The following ATG10 variants were observed in gnomAD, a reference collection of about 807,000 sequenced individuals.
ATG10 encodes the protein ubiquitin-like-conjugating enzyme ATG10.
ATG10 carries 30 observed loss-of-function variants against 32.1 expected under a neutral mutation model. That is an observed-to-expected ratio of 0.94 (90% CI 0.70 to 1.27). ATG10 has a LOEUF of 1.27. Among genes scored for constraint, ATG10 ranks in the 50% most tolerant of loss-of-function variants. The pLI is 0.00. For synonymous variants in ATG10, 87 were observed against 91.5 expected, an observed-to-expected ratio of 0.95 and a Z score of 0.28; for missense variants, 233 against 262.3, an observed-to-expected ratio of 0.89 and a Z score of 0.77.
At chr5:82,082,995 G>A (rs1175483845) in intron 3 of ATG10, among the ~76,000 whole-genome samples, 1 of 152,238 alleles carries the variant, frequency 6.6e-6, no homozygotes, top group Admixed American at 6.5e-5. Context: ...ACTGGGGCTT[G>A]TCAGACAGTG....
At chr5:82,222,620 T>C (rs1745974252) in intron 5 of ATG10, among the ~76,000 whole-genome samples, 1 of 152,238 alleles carries the variant, frequency 6.6e-6, no homozygotes, top group South Asian at 2.1e-4. Context: ...AGAGAAAGAT[T>C]CATATATGTA....
At chr5:82,180,243 AT>A (rs1185324980) in intron 5 of ATG10, among the ~76,000 whole-genome samples, 1 of 152,112 alleles carries the variant, frequency 6.6e-6, no homozygotes, top group Non-Finnish European at 1.5e-5. Context: ...CTTGCCAAAT[AT>A]GGTTATTCAT....
chr5:82,142,659 G>A (rs1029317862), intron 3 of ATG10, among the ~76,000 whole-genome samples: 2 of 152,094 alleles, frequency 1.3e-5, no homozygotes, highest in East Asian at 3.9e-4. Flanking sequence ...ATACTGTGGC[G>A]GCAGTGTGGA....
At chr5:82,027,104 A>G (rs956667532) in intron 2 of ATG10, among the ~76,000 whole-genome samples, 1 of 151,448 alleles carries the variant, frequency 6.6e-6, no homozygotes, top group Non-Finnish European at 1.5e-5. Flanking sequence ...ATAAATAAAT[A>G]AATAAATTTA....
intron 2 of ATG10, among the ~76,000 whole-genome samples, chr5:81,993,359 C>CTTTT (rs756251958): frequency 1.8e-5 from 1 of 55,478 alleles, no homozygotes; most frequent in East Asian, 6.4e-4. Context: ...TTCTTTCTTT[C>CTTTT]CTTCTTTTCT....
At chr5:82,107,955 GTATACTTA>G (rs1765491887) in intron 3 of ATG10, among the ~76,000 whole-genome samples, 1 of 151,990 alleles carries the variant, frequency 6.6e-6, no homozygotes, top group Non-Finnish European at 1.5e-5. Context: ...TGAATGCAGG[GTATACTTA>G]GAGCAAGACA....
intron 3 of ATG10, among the ~76,000 whole-genome samples, chr5:82,088,681 G>A (rs745311516): frequency 2.6e-5 from 4 of 152,120 alleles, no homozygotes; most frequent in South Asian, 2.1e-4. Context: ...GAAAGTAATC[G>A]TAATTATAAT....
intron 5 of ATG10, among the ~76,000 whole-genome samples, chr5:82,214,501 A>G (rs1285168832): frequency 1.3e-5 from 2 of 152,232 alleles, no homozygotes; most frequent in Non-Finnish European, 2.9e-5. Context: ...TATAATTACT[A>G]TTATGATTAG....
chr5:82,213,877 T>C (rs1256648253), intron 5 of ATG10, among the ~76,000 whole-genome samples: 1 of 152,228 alleles, frequency 6.6e-6, no homozygotes, highest in Non-Finnish European at 1.5e-5. Context: ...ATCTCTGCTA[T>C]TATCTCTCTT....
At chr5:82,007,093 C>G (rs917253180) in intron 2 of ATG10, among the ~76,000 whole-genome samples, 4 of 152,128 alleles carry the variant, frequency 2.6e-5, no homozygotes, top group African/African-American at 9.7e-5. Context: ...ACCTCGTGAT[C>G]TGCCCACCTC....
intron 1 of ATG10, among the ~76,000 whole-genome samples, chr5:81,983,863 C>T (rs969023902): frequency 6.6e-6 from 1 of 150,442 alleles, no homozygotes; most frequent in South Asian, 2.1e-4. Context: ...ACATCCCAGA[C>T]GGGGCAGCGG....
intron 1 of ATG10, among the ~76,000 whole-genome samples, chr5:81,984,052 G>A (rs1443049090): frequency 1.8e-4 from 27 of 152,252 alleles, no homozygotes; most frequent in Non-Finnish European, 2.9e-5. Context: ...TGCAATCTCG[G>A]CACTTTGGGA....
chr5:81,978,098 C>T (rs1273835744), intron 1 of ATG10, among the ~76,000 whole-genome samples: 1 of 152,042 alleles, frequency 6.6e-6, no homozygotes, highest in Non-Finnish European at 1.5e-5. Flanking sequence ...GAGGCGGAGT[C>T]TTGCTCTGTC....
intron 3 of ATG10, among the ~76,000 whole-genome samples, chr5:82,150,870 G>C (rs991496533): frequency 4.6e-5 from 7 of 152,210 alleles, no homozygotes; most frequent in Admixed American, 4.6e-4. Flanking sequence ...AAGAATCTTA[G>C]TAGGATTAAT....
At chr5:82,024,235 A>G (rs565458684) in intron 2 of ATG10, among the ~76,000 whole-genome samples, 9 of 152,288 alleles carry the variant, frequency 5.9e-5, no homozygotes, top group Non-Finnish European at 7.4e-5. Flanking sequence ...CATAGAGTAT[A>G]CTATTCTGTC....
chr5:82,145,573 T>C (rs1767317951), intron 3 of ATG10, among the ~76,000 whole-genome samples: 1 of 152,232 alleles, frequency 6.6e-6, no homozygotes, highest in African/African-American at 2.4e-5. Flanking sequence ...AGTTGTCATA[T>C]GTATTATATG....
intron 2 of ATG10, among the ~76,000 whole-genome samples, chr5:82,054,332 A>C (rs938127444): frequency 1.3e-5 from 2 of 152,162 alleles, no homozygotes; most frequent in African/African-American, 4.8e-5. Flanking sequence ...CCTGGGGATT[A>C]TGTTTTAAAT....
chr5:82,242,114 G>C (rs1236829159), intron 5 of ATG10, among the ~76,000 whole-genome samples: 1 of 152,062 alleles, frequency 6.6e-6, no homozygotes, highest in Non-Finnish European at 1.5e-5. Flanking sequence ...AAATTATTCA[G>C]TGCAAAAATA....
intron 2 of ATG10, among the ~76,000 whole-genome samples, chr5:82,053,715 T>C (rs533405894): frequency 1.3e-5 from 2 of 152,296 alleles, no homozygotes; most frequent in East Asian, 3.9e-4. Context: ...TCTTATTAAT[T>C]ATTCTTCTAC....
Sources: gnomAD v4.1 joint callset for allele counts (sites outside exome capture counted in the v4.1 genomes callset) on GRCh38, gnomAD v4.1.1 for gene constraint, MANE v1.5 for transcripts, NCBI Gene and HGNC (gene_info 2026-07-23, HGNC 2026-07-21) for gene names.